The following ARHGAP5 variants were observed in gnomAD, a reference collection of about 807,000 sequenced individuals.
The protein encoded by ARHGAP5 is rho GTPase-activating protein 5.
A neutral mutation model predicts 116.6 loss-of-function variants in ARHGAP5; 23 were observed. That is an observed-to-expected ratio of 0.20 (90% CI 0.14 to 0.28). The LOEUF (loss-of-function observed/expected upper bound fraction) is 0.28, where lower values mean the gene tolerates loss of function less well. Ranked by LOEUF, ARHGAP5 falls within the 10% of genes least tolerant of loss-of-function variation. The pLI is 1.00. For synonymous variants in ARHGAP5, 574 were observed against 602.0 expected (o/e 0.95, Z 0.68); for missense variants, 1,405 against 1,774.8 (o/e 0.79, Z 3.74).
In ARHGAP5 at chr14:32,093,841, C is replaced by T; in HGVS notation, c.3172C>T (p.Leu1058Phe). ...KTNVKKLDPN[L>F]LKTIEAGIGK... ...AAATGTGAAAAAACTCGATCCAAAC[C>T]TTTTAAAAACAATTGAAGCTGGTAT... The change falls in exon 2 of 7, where the codon CTT (leucine) becomes TTT (phenylalanine). Residue 1058 changes from leucine to phenylalanine, a missense_variant. By Grantham distance (22) the Leu-to-Phe change is conservative. Transcript: ENST00000345122. 2 of 1,613,650 alleles carry T rather than the reference C, an allele frequency of 1.2e-6. No homozygotes were observed. The highest frequency in any genetic ancestry group is 1.7e-6 in the Non-Finnish European group (2 of 1,179,920).
At chr14:32,140,066 C>CTTTT (rs764763402) in intron 3 of ARHGAP5, among the ~76,000 whole-genome samples, 6 of 28,010 alleles carry the variant, frequency 2.1e-4, no homozygotes, top group African/African-American at 7.5e-4. Context: ...TTTTCTCTCT[C>CTTTT]TTTTTTTTTT....
At chr14:32,110,743 AATG>A (rs1879251979) in intron 2 of ARHGAP5, among the ~76,000 whole-genome samples, 1 of 152,150 alleles carries the variant, frequency 6.6e-6, no homozygotes, top group Admixed American at 6.5e-5. Flanking sequence ...ATATATGTGA[AATG>A]ATGATAGCTT....
chr14:32,135,721 C>T (rs1017845172), intron 3 of ARHGAP5, among the ~76,000 whole-genome samples: 2 of 152,220 alleles, frequency 1.3e-5, no homozygotes, highest in African/African-American at 4.8e-5. Flanking sequence ...CCACTCCTGG[C>T]CGATTTTTAG....
chr14:32,156,887 G>A lies in ARHGAP5; in HGVS notation c.*1939G>A, dbSNP rs540650251. ...TTTCTATTTGGAAGTAGGCTGAAAA[G>A]AGAATTTTCAAAACTGTTCGTGTCT... is the stretch of plus-strand genomic sequence containing the variant. On this transcript the variant is annotated 3_prime_UTR_variant, in exon 7 of 7. Coordinates refer to ENST00000345122, the MANE Select transcript of ARHGAP5 (RefSeq NM_001030055.2). The A allele has an allele frequency of 1.3e-5, 2 of 152,450 alleles. No homozygotes were observed. Among genetic ancestry groups the A allele is most frequent in the African/African-American group, 2.4e-5 (1 of 41,554 alleles). 9.4% of individuals were successfully genotyped at this position (152,450 alleles called of 1,614,324 possible). A position where few individuals can be genotyped will look rare whatever the true frequency, so the allele number is the denominator to read the frequency against.
chr14:32,139,745 A>T (rs1199389999), intron 3 of ARHGAP5, among the ~76,000 whole-genome samples: 2 of 150,408 alleles, frequency 1.3e-5, no homozygotes. Flanking sequence ...TGCTAGCTTT[A>T]GGTTTAGCTT....
chr14:32,097,483 C>T (rs553815847), intron 2 of ARHGAP5, among the ~76,000 whole-genome samples: 12 of 152,210 alleles, frequency 7.9e-5, no homozygotes, highest in African/African-American at 2.4e-4. Flanking sequence ...TTCTTGAAAA[C>T]GTGTACACAG....
chr14:32,128,317 G>A (rs959256984), intron 3 of ARHGAP5, among the ~76,000 whole-genome samples: 2 of 152,248 alleles, frequency 1.3e-5, no homozygotes, highest in Admixed American at 6.5e-5. Flanking sequence ...CACTTTGGGA[G>A]GCCAAGGCAG....
intron 3 of ARHGAP5, among the ~76,000 whole-genome samples, chr14:32,121,286 A>G (rs557112380): frequency 7.6e-4 from 115 of 152,232 alleles, no homozygotes; most frequent in Non-Finnish European, 7.5e-4. Flanking sequence ...TACTTTGCCT[A>G]GTATTAATAT....
At chr14:32,138,531 G>T (rs149953807) in intron 3 of ARHGAP5, among the ~76,000 whole-genome samples, 2 of 152,122 alleles carry the variant, frequency 1.3e-5, no homozygotes, top group South Asian at 4.1e-4. Context: ...TGATCTGCCC[G>T]CCTCAGCCTC....
chr14:32,132,348 TTTTTACATGTG>T (rs1299161020), intron 3 of ARHGAP5, among the ~76,000 whole-genome samples: 20 of 152,248 alleles, frequency 1.3e-4, no homozygotes, highest in Non-Finnish European at 2.2e-4. Context: ...ATAGTGAGCA[TTTTTACATGTG>T]TTTTCTGGCT....
rs774594638 is a variant in ARHGAP5, at chr14:32,093,861, T to C, written c.3192T>C (p.Ala1064=). 1.2e-6 allele frequency: 2 copies of C among 1,613,844 alleles called. No individual in the cohort carries two copies. The highest frequency in any genetic ancestry group is 2.7e-5 in the African/African-American group (2 of 74,894). Reference sequence around the variant, plus strand: ...CAAACCTTTTAAAAACAATTGAAGCTGGTATTGGTAAAAATCCAAGAAAGC... The same window carrying C: ...CAAACCTTTTAAAAACAATTGAAGCCGGTATTGGTAAAAATCCAAGAAAGC... ...LDPNLLKTIE[A]GIGKNPRKQT... The change falls in exon 2 of 7, where the codon GCT becomes GCC. Residue 1064 remains alanine (A), a synonymous_variant. Transcript: ENST00000345122.
chr14:32,119,002 T>G (rs1222281598), intron 3 of ARHGAP5, among the ~76,000 whole-genome samples: 6 of 152,176 alleles, frequency 3.9e-5, no homozygotes, highest in Non-Finnish European at 7.4e-5. Flanking sequence ...TGAATTAGTT[T>G]AGGTCAACTC....
chr14:32,098,138 CAG>C (rs1878622150), intron 2 of ARHGAP5, among the ~76,000 whole-genome samples: 1 of 152,142 alleles, frequency 6.6e-6, no homozygotes, highest in Non-Finnish European at 1.5e-5. Context: ...GGCTTATTAA[CAG>C]AATAGCATGG....
At chr14:32,086,700 A>ACTT (rs1235392052) in intron 1 of ARHGAP5, among the ~76,000 whole-genome samples, 1 of 151,826 alleles carries the variant, frequency 6.6e-6, no homozygotes, top group East Asian at 1.9e-4. Context: ...TCCTTGTAGA[A>ACTT]CTTTTTTTTT....
chr14:32,128,092 C>T (rs547777461), intron 3 of ARHGAP5, among the ~76,000 whole-genome samples: 13 of 148,926 alleles, frequency 8.7e-5, no homozygotes, highest in Middle Eastern at 3.8e-3. Flanking sequence ...ACAGGGTGGC[C>T]GGGCAGAGTC....
rs757795618 is a variant in ARHGAP5, at chr14:32,091,181, G to A, written c.512G>A (p.Arg171Lys). ...ATTGATGTAAGTCAAGGATGCAATA[G>A]GAAGTTTGATGATCAACTTAAATTT... ...LCIDVSQGCN[R>K]KFDDQLKFVN... is the part of the protein sequence containing the mutation. Residue 171 changes from arginine (R) to lysine (K), a missense_variant, in exon 2 of 7, where the codon AGG (arginine) becomes AAG (lysine). Arg to Lys is a conservative substitution (Grantham distance 26). Around this residue, in one of 6 missense-constraint regions of ARHGAP5, gnomAD observed 190 missense variants for 314.9 expected, o/e 0.60. Coordinates refer to ENST00000345122, the MANE Select transcript of ARHGAP5 (RefSeq NM_001030055.2). The A allele has an allele frequency of 6.2e-7, 1 of 1,613,470 alleles. No individual in the cohort carries two copies. Among genetic ancestry groups the A allele is most frequent in the Non-Finnish European group, 8.5e-7 (1 of 1,179,608 alleles).
At chr14:32,130,826 C>T (rs1438591053) in intron 3 of ARHGAP5, among the ~76,000 whole-genome samples, 1 of 152,204 alleles carries the variant, frequency 6.6e-6, no homozygotes, top group Non-Finnish European at 1.5e-5. Flanking sequence ...CCACCGCACC[C>T]AGCCTGTTTT....
chr14:32,094,103 A>C lies in ARHGAP5; in HGVS notation c.3434A>C (p.His1145Pro), dbSNP rs1179499575. 1.9e-6 allele frequency: 3 copies of C among 1,614,124 alleles called. No homozygotes were observed. The highest frequency in any genetic ancestry group is 2.5e-6 in the Non-Finnish European group (3 of 1,180,002). ...TTTTCTGATAGAACCTCAAAAAGTC[A>C]TGGGGAACGGAGGCCTTCAAAATAC... ...NGFSDRTSKS[H>P]GERRPSKYKY... The change falls in exon 2 of 7, where the codon CAT becomes CCT. Residue 1145 changes from histidine (H) to proline (P), a missense_variant. Physicochemically the swap from His to Pro is moderately conservative, Grantham distance 77. Transcript: ENST00000345122.
chr14:32,107,462 C>T (rs547600013), intron 2 of ARHGAP5, among the ~76,000 whole-genome samples: 2 of 152,258 alleles, frequency 1.3e-5, no homozygotes, highest in African/African-American at 4.8e-5. Flanking sequence ...CCTCTGGTGC[C>T]TGTTTTTAGT....
Sources: gnomAD v4.1 joint callset for allele counts (sites outside exome capture counted in the v4.1 genomes callset) on GRCh38, gnomAD v4.1.1 for gene constraint, gnomAD v4.1.1 regional missense constraint, MANE v1.5 for transcripts, NCBI Gene and HGNC (gene_info 2026-07-23, HGNC 2026-07-21) for gene names.